Variants in TJP1 observed in about 807,000 individuals in gnomAD.
The protein encoded by TJP1 is tight junction protein 1, also known as tight junction protein ZO-1.
Under a neutral mutation model 194.2 loss-of-function variants are expected in TJP1, and 43 were observed. The ratio of observed to expected loss-of-function variants is 0.22; its 90% CI spans 0.17 to 0.29. The LOEUF (loss-of-function observed/expected upper bound fraction) is 0.29. TJP1 is among the 10% of genes least tolerant of loss of function. The pLI is 1.00. For missense variants in TJP1, 1,971 were observed against 2,185.7 expected (o/e 0.90, Z 1.96); for synonymous variants, 801 against 779.0 (o/e 1.03, Z -0.47).
chr15:29,899,351 G>A (rs2053570333), intron 2 of TJP1, among the ~76,000 whole-genome samples: 1 of 152,108 alleles, frequency 6.6e-6, no homozygotes, highest in African/African-American at 2.4e-5. Flanking sequence ...TGCAATTTGA[G>A]TTCATTTTCT....
At chr15:29,801,285 C>T (rs2048762441) in intron 1 of TJP1, among the ~76,000 whole-genome samples, 2 of 152,016 alleles carry the variant, frequency 1.3e-5, no homozygotes, top group Admixed American at 6.6e-5. Flanking sequence ...GTATATGTAT[C>T]ACACACGTAG....
chr15:29,794,521 T>C (rs1026768393), intron 2 of TJP1, among the ~76,000 whole-genome samples: 1 of 152,196 alleles, frequency 6.6e-6, no homozygotes, highest in Admixed American at 6.5e-5. Context: ...ATGACACTTC[T>C]AACAAGGTCA....
At chr15:29,788,501 G>A (rs1274298770) in intron 2 of TJP1, among the ~76,000 whole-genome samples, 1 of 151,982 alleles carries the variant, frequency 6.6e-6, no homozygotes. Context: ...GTGAGGTAGG[G>A]GTCCAAATTC....
chr15:29,936,747 T>A (rs2054895202), intron 2 of TJP1, among the ~76,000 whole-genome samples: 1 of 152,192 alleles, frequency 6.6e-6, no homozygotes, highest in Non-Finnish European at 1.5e-5. Context: ...CCCAAATTCA[T>A]GTCACTACCA....
rs908162257 is a variant in TJP1 at position 29,958,803 on chromosome 15, C to T, written c.174-2439G>A. 6.6e-5 allele frequency among the ~76,000 whole-genome samples: 10 copies of T among 152,254 alleles called. No individual in the cohort carries two copies. The South Asian group carries it at 1.2e-3, about 19-fold the overall frequency. On this transcript the variant is annotated intron_variant, in intron 1 of 28. Coordinates refer to the TJP1 transcript ENST00000356107. ...AGCAACTCCACATCCCTACAAAAAG[C>T]CCCACCTTCCCTTAGAAATAGTGTT...
chr15:29,843,670 A>T (rs1476048494), intron 2 of TJP1, among the ~76,000 whole-genome samples: 3 of 152,232 alleles, frequency 2.0e-5, no homozygotes, highest in Admixed American at 6.5e-5. Flanking sequence ...AAAACAAATA[A>T]GAAAAATATG....
intron 2 of TJP1, among the ~76,000 whole-genome samples, chr15:29,897,215 CTGCA>C (rs2053502882): frequency 6.6e-6 from 1 of 152,180 alleles, no homozygotes; most frequent in Non-Finnish European, 1.5e-5. Flanking sequence ...ACTTAGTGCC[CTGCA>C]TCCCAGTCGT....
rs570584125 is a variant in TJP1, at chr15:29,792,540, G to C, written c.84+8106C>G. Among the ~76,000 whole-genome samples the C allele has an allele frequency of 3.3e-5, 5 of 152,256 alleles. No homozygotes were observed. The South Asian group carries it at 1.0e-3, about 32-fold the overall frequency. ...TATGTAATGTGATTCCTTCAGTTTT[G>C]TTCTTTTTGCCCAGGATTGCTTTGC... On this transcript the variant is annotated intron_variant, in intron 2 of 27. Coordinates refer to ENST00000614355, the MANE Select transcript of TJP1 (RefSeq NM_001330239.4).
downstream of TJP1, chr15:29,699,859 G>A (rs2041436555): frequency 6.0e-6 from 1 of 167,558 alleles, no homozygotes; most frequent in Admixed American, 6.4e-5. Context: ...GTGTCCCCAT[G>A]CAGGGGTGTT....
At chr15:29,910,687 T>A (rs762281674) in intron 2 of TJP1, among the ~76,000 whole-genome samples, 14 of 152,254 alleles carry the variant, frequency 9.2e-5, no homozygotes, top group Non-Finnish European at 2.1e-4. Flanking sequence ...TCAGTTTGTA[T>A]AATTATTGAT....
intron 24 of TJP1, among the ~76,000 whole-genome samples, chr15:29,710,056 G>A (rs557299308): frequency 7.2e-5 from 11 of 152,186 alleles, no homozygotes; most frequent in Admixed American, 1.3e-4. Flanking sequence ...TGAGGCAGGA[G>A]AATCACCTGA....
intron 2 of TJP1, chr15:29,956,213 C>T: frequency 4.1e-6 from 5 of 1,224,882 alleles, no homozygotes; most frequent in Non-Finnish European, 5.2e-6. Context: ...ATGAGAAAAG[C>T]ATTGATCAGT....
rs1260076540 is a variant in TJP1, at chr15:29,791,420, T to TC, written c.84+9225_84+9226insG. 1.2e-4 allele frequency among the ~76,000 whole-genome samples: 16 copies of TC among 137,278 alleles called. 2 individuals carry two copies. In the East Asian group the frequency reaches 1.7e-3, roughly 14 times the overall value. 90.1% of individuals were successfully genotyped at this position (137,278 alleles called of 152,430 possible). A position where few individuals can be genotyped will look rare whatever the true frequency, so the allele number is the denominator to read the frequency against. ...AGGAGCCTCCATAATATTCTTTTTT[T>TC]TTTTTTTTTTTTTTTTTTGAGACAG... On this transcript the variant is annotated intron_variant, in intron 2 of 27. Coordinates refer to ENST00000614355, the MANE Select transcript of TJP1 (RefSeq NM_001330239.4).
At chr15:29,808,235 T>G (rs1003847734) in intron 1 of TJP1, among the ~76,000 whole-genome samples, 1 of 152,174 alleles carries the variant, frequency 6.6e-6, no homozygotes, top group African/African-American at 2.4e-5. Flanking sequence ...ACCACTGCAC[T>G]CCAGCCTGGG....
chr15:29,765,861 C>A (rs1462609801), intron 5 of TJP1, among the ~76,000 whole-genome samples: 3 of 152,162 alleles, frequency 2.0e-5, no homozygotes, highest in African/African-American at 7.2e-5. Flanking sequence ...CACTGCACTC[C>A]AGCCTGGGTG....
intron 1 of TJP1, among the ~76,000 whole-genome samples, chr15:29,821,796 C>T (rs2050376782): frequency 6.7e-6 from 1 of 148,186 alleles, no homozygotes; most frequent in Non-Finnish European, 1.5e-5. Context: ...CCCCGGCCGC[C>T]CCCAGTGCGG....
rs575841775 is a variant in TJP1 at position 29,822,461 on chromosome 15, G to C, written c.-433C>G. 2.4e-4 allele frequency: 240 copies of C among 985,756 alleles called. No individual in the cohort carries two copies. In the African/African-American group the frequency reaches 3.9e-3, roughly 16 times the overall value. The allele number at this position is 985,756 out of a possible 1,614,324, so 61.1% of individuals were successfully genotyped here. ...TGGCTCAGCCGGCGCCGGCAACTCA[G>C]CGGCCACGCAAACCTGCCGGCCCGG... On this transcript the variant is annotated 5_prime_UTR_variant, in exon 1 of 28. Transcript: ENST00000614355.
intron 2 of TJP1, among the ~76,000 whole-genome samples, chr15:29,927,779 G>A (rs2054571877): frequency 6.6e-6 from 1 of 152,058 alleles, no homozygotes; most frequent in African/African-American, 2.4e-5. Flanking sequence ...AGGGCTGAAG[G>A]CACATAAATT....
In TJP1 at chr15:29,716,672, A is replaced by G; in HGVS notation, c.4141T>C (p.Ser1381Pro). Residue 1381 changes from serine to proline, a missense_variant, in exon 23 of 28, where the codon TCC (serine) becomes CCC (proline). By Grantham distance (74) the Ser-to-Pro change is moderately conservative. Around this residue, in one of 5 missense-constraint regions of TJP1, gnomAD observed 1,108 missense variants for 1,128.5 expected, o/e 0.98. Coordinates refer to ENST00000614355, the MANE Select transcript of TJP1 (RefSeq NM_001330239.4). ...GAATGCGCTGGCTTTGCAGGCTCGG[A>G]GAGATGGCTGGCGGCAATGTGTGCA... The part of the protein sequence containing the change: ...PPAHIAASHL[S>P]EPAKPAHSQN... 2 of 1,614,110 alleles carry G rather than the reference A, an allele frequency of 1.2e-6. No homozygotes were observed. Among genetic ancestry groups the G allele is most frequent in the Non-Finnish European group, 1.7e-6 (2 of 1,179,962 alleles).
Sources: allele counts gnomAD v4.1 joint callset (sites outside exome capture counted in the v4.1 genomes callset), GRCh38; gene constraint gnomAD v4.1.1; regional missense constraint gnomAD v4.1.1; transcripts MANE v1.5; gene names NCBI Gene and HGNC (gene_info 2026-07-23, HGNC 2026-07-21).